RIMS2: variants seen among roughly 807,000 people sequenced by gnomAD.
RIMS2 encodes the protein regulating synaptic membrane exocytosis protein 2.
Under a neutral mutation model 174.4 loss-of-function variants are expected in RIMS2, and 59 were observed. The ratio of observed to expected loss-of-function variants is 0.34; its 90% confidence interval spans 0.27 to 0.42. The LOEUF is 0.42. Ranked by LOEUF, RIMS2 falls within the 10% of genes least tolerant of loss-of-function variation. RIMS2 has a pLI of 1.00. For missense variants in RIMS2, 1,620 were observed against 1,666.3 expected (o/e 0.97, Z 0.48); for synonymous variants, 606 against 572.5 (o/e 1.06, Z -0.84).
At chr8:103,934,228 A>T (rs72681381) in intron 12 of RIMS2, among the ~76,000 whole-genome samples, 19,448 of 151,920 alleles carry the variant, frequency 0.13, 1,692 homozygotes, top group Non-Finnish European at 0.19. Context: ...TTTATTTTTT[A>T]AAAAAAAGTT....
intron 16 of RIMS2, among the ~76,000 whole-genome samples, chr8:103,988,866 C>T (rs1206479091): frequency 6.6e-6 from 1 of 152,108 alleles, no homozygotes; most frequent in Non-Finnish European, 1.5e-5. Context: ...CCCTAAGCTC[C>T]GAACTCATGT....
intron 19 of RIMS2, among the ~76,000 whole-genome samples, chr8:104,082,959 T>C (rs1368010895): frequency 3.3e-5 from 5 of 151,932 alleles, no homozygotes; most frequent in Admixed American, 3.3e-4. Context: ...AGACAAAGAG[T>C]CCCATTAGGA....
intron 1 of RIMS2, among the ~76,000 whole-genome samples, chr8:103,557,976 T>C (rs1003710166): frequency 2.6e-5 from 4 of 152,216 alleles, no homozygotes; most frequent in African/African-American, 9.7e-5. Context: ...AAATTTAAGA[T>C]TGGGTTATCT....
chr8:103,764,927 G>T (rs2098152075), intron 2 of RIMS2, among the ~76,000 whole-genome samples: 2 of 151,948 alleles, frequency 1.3e-5, no homozygotes, highest in Admixed American at 1.3e-4. Context: ...TTCAATGAAA[G>T]AACAAAATAA....
chr8:104,003,653 A>T (rs1248394466), intron 17 of RIMS2, among the ~76,000 whole-genome samples: 1 of 152,100 alleles, frequency 6.6e-6, no homozygotes. Flanking sequence ...ACCTCAGGTG[A>T]TCCGCCTGCT....
chr8:103,828,351 T>TGA (rs2098804523), intron 3 of RIMS2, among the ~76,000 whole-genome samples: 1 of 152,238 alleles, frequency 6.6e-6, no homozygotes, highest in South Asian at 2.1e-4. Context: ...CTTGATAAAG[T>TGA]ATTCAATTTC....
chr8:104,116,466 G>T (rs1416063909), intron 19 of RIMS2, among the ~76,000 whole-genome samples: 3 of 151,938 alleles, frequency 2.0e-5, no homozygotes, highest in African/African-American at 7.3e-5. Context: ...AGATTAAGGA[G>T]AAATTAAATT....
chr8:103,733,388 G>A (rs932929004), intron 2 of RIMS2, among the ~76,000 whole-genome samples: 1 of 152,110 alleles, frequency 6.6e-6, no homozygotes, highest in African/African-American at 2.4e-5. Flanking sequence ...GCTGGGGGAA[G>A]GGGTGGTGCA....
chr8:104,131,402 G>A (rs1056271872), intron 19 of RIMS2, among the ~76,000 whole-genome samples: 1 of 152,100 alleles, frequency 6.6e-6, no homozygotes, highest in East Asian at 1.9e-4. Context: ...CAGTTAGATG[G>A]ATAATGTTGT....
intron 19 of RIMS2, among the ~76,000 whole-genome samples, chr8:104,118,759 C>T (rs1374747889): frequency 2.0e-5 from 3 of 152,096 alleles, no homozygotes; most frequent in Non-Finnish European, 4.4e-5. Flanking sequence ...TTATTTTTCA[C>T]GGTTCTGGGA....
chr8:103,999,210 A>C (rs1474108522), intron 17 of RIMS2, among the ~76,000 whole-genome samples: 4 of 151,826 alleles, frequency 2.6e-5, no homozygotes, highest in Non-Finnish European at 4.4e-5. Context: ...ATAATAAAAT[A>C]GTTTATAAAA....
At chr8:104,219,879 T>A in intron 19 of RIMS2, among the ~76,000 whole-genome samples, 1 of 152,176 alleles carries the variant, frequency 6.6e-6, no homozygotes, top group East Asian at 1.9e-4. Flanking sequence ...ATTTTCAATC[T>A]TTTATCAGTA....
At chr8:104,210,822 G>A (rs2099102014) in intron 19 of RIMS2, among the ~76,000 whole-genome samples, 1 of 152,152 alleles carries the variant, frequency 6.6e-6, no homozygotes, top group South Asian at 2.1e-4. Flanking sequence ...ATAACCTGAA[G>A]CAATATGTCC....
chr8:103,864,027 GC>G (rs1249438406), intron 3 of RIMS2, among the ~76,000 whole-genome samples: 2 of 151,912 alleles, frequency 1.3e-5, no homozygotes, highest in Admixed American at 6.6e-5. Flanking sequence ...TCCTGCCTCA[GC>G]CCCCAGAGCA....
intron 20 of RIMS2, 63 bp from the exon 27 acceptor site, chr8:104,248,638 C>G (rs2099347690): frequency 1.1e-6 from 1 of 917,084 alleles, no homozygotes; most frequent in Admixed American, 1.7e-5. Flanking sequence ...TAGAATGAAA[C>G]CAAGCTTACC....
At chr8:103,835,175 C>T (rs2098870232) in intron 3 of RIMS2, among the ~76,000 whole-genome samples, 1 of 148,294 alleles carries the variant, frequency 6.7e-6, no homozygotes, top group African/African-American at 2.5e-5. Flanking sequence ...GATCTCAGCT[C>T]ACTGCACCCT....
At chr8:103,781,272 G>A (rs1353337864) in intron 3 of RIMS2, among the ~76,000 whole-genome samples, 5 of 152,164 alleles carry the variant, frequency 3.3e-5, no homozygotes, top group Non-Finnish European at 1.5e-5. Context: ...CTTACAGCTT[G>A]CCTGGAGTTT....
chr8:103,629,770 A>G (rs2135136436), intron 1 of RIMS2, among the ~76,000 whole-genome samples: 1 of 152,224 alleles, frequency 6.6e-6, no homozygotes, highest in Non-Finnish European at 1.5e-5. Flanking sequence ...CAAAAACCAC[A>G]CTAGATGAGC....
At chr8:103,891,157 T>C (rs2154521529) in intron 4 of RIMS2, among the ~76,000 whole-genome samples, 1 of 152,206 alleles carries the variant, frequency 6.6e-6, no homozygotes, top group East Asian at 1.9e-4. Flanking sequence ...ATCATAACCA[T>C]CATTTTTTTA....
Sources: allele counts gnomAD v4.1 joint callset (sites outside exome capture counted in the v4.1 genomes callset), GRCh38; gene constraint gnomAD v4.1.1; transcripts MANE v1.5; gene names NCBI Gene and HGNC (gene_info 2026-07-23, HGNC 2026-07-21).